The following RCBTB2 variants were observed in gnomAD, a reference collection of about 807,000 sequenced individuals.
The protein encoded by RCBTB2 is RCC1 and BTB domain-containing protein 2.
A neutral mutation model predicts 65.4 loss-of-function variants in RCBTB2; 55 were observed. That is an observed-to-expected ratio of 0.84 (90% CI 0.68 to 1.05). The LOEUF (loss-of-function observed/expected upper bound fraction) is 1.05. Ranked by LOEUF, RCBTB2 falls within the 50% of genes least tolerant of loss-of-function variation. RCBTB2 has a pLI of 0.00. For missense variants in RCBTB2, 599 were observed against 680.1 expected (o/e 0.88, Z 1.33); for synonymous variants, 220 against 255.2 (o/e 0.86, Z 1.31).
Position 48,518,472 on chromosome 13 carries a change from A to ATATAT in RCBTB2, c.43-2732_43-2731insATATA, listed in dbSNP as rs1555307423. On this transcript the variant is annotated intron_variant, in intron 4 of 14. Coordinates refer to ENST00000344532, the MANE Select transcript of RCBTB2 (RefSeq NM_001268.4). Reference sequence around the variant, plus strand: ...AGAGTACTTTGCAAAAAAAAAAAAAAATATATATATATATATATATATATT... The same window carrying ATATAT: ...AGAGTACTTTGCAAAAAAAAAAAAAATATATATATATATATATATATATATATATT... Among the ~76,000 whole-genome samples, 344 of 116,532 alleles carry ATATAT rather than the reference A, an allele frequency of 3.0e-3. 2 individuals carry two copies. The highest frequency in any genetic ancestry group is 4.1e-3 in the Admixed American group (48 of 11,746). 76.4% of individuals were successfully genotyped at this position (116,532 alleles called of 152,430 possible). A position where few individuals can be genotyped will look rare whatever the true frequency, so the allele number is the denominator to read the frequency against.
At position 48,502,718 on chromosome 13, in the gene RCBTB2, G is replaced by C. The variant is rs987847688; in HGVS notation, c.1117+6C>G. 1.9e-6 allele frequency: 3 copies of C among 1,605,090 alleles called. No individual in the cohort carries two copies. The highest frequency in any genetic ancestry group is 2.6e-6 in the Non-Finnish European group (3 of 1,174,024). On this transcript the variant is annotated splice_donor_region_variant and intron_variant, in intron 11 of 14. Coordinates refer to ENST00000344532, the MANE Select transcript of RCBTB2 (RefSeq NM_001268.4). The stretch of plus-strand genomic sequence containing the variant: ...CCATCCCCCAAATGGACAGTGACCA[G>C]CTTACCCACGGAGAGGAGGCGCCAC...
chr13:48,502,159 A>T (rs1407853010), intron 11 of RCBTB2, among the ~76,000 whole-genome samples: 1 of 139,886 alleles, frequency 7.1e-6, no homozygotes, highest in African/African-American at 3.4e-5. Flanking sequence ...TACGCTAGTT[A>T]AAAGTAAAAA....
intron 1 of RCBTB2, among the ~76,000 whole-genome samples, chr13:48,526,353 T>C (rs1409117932): frequency 6.6e-6 from 1 of 151,958 alleles, no homozygotes; most frequent in Non-Finnish European, 1.5e-5. Flanking sequence ...CTGGGCAACA[T>C]AGGAAGACAC....
chr13:48,496,922 G>A (rs1950012373), intron 13 of RCBTB2, among the ~76,000 whole-genome samples: 1 of 151,566 alleles, frequency 6.6e-6, no homozygotes, highest in Admixed American at 6.6e-5. Flanking sequence ...CCTCTCTACA[G>A]CAAAACTCCT....
intron 6 of RCBTB2, among the ~76,000 whole-genome samples, chr13:48,514,970 T>C (rs1433685807): frequency 6.6e-6 from 1 of 152,192 alleles, no homozygotes; most frequent in Non-Finnish European, 1.5e-5. Context: ...CCACAATCAG[T>C]TCGTCAGTGT....
chr13:48,534,974 A>G (rs186480107), upstream of RCBTB2, among the ~76,000 whole-genome samples: 3 of 152,086 alleles, frequency 2.0e-5, no homozygotes, highest in Admixed American at 6.5e-5. Context: ...TTTAAGTTCA[A>G]CTCTTCCACC....
chr13:48,510,868 A>G lies in RCBTB2; in HGVS notation c.784-97T>C, dbSNP rs1950752524. On this transcript the variant is annotated intron_variant, in intron 9 of 14. Coordinates refer to ENST00000344532, the MANE Select transcript of RCBTB2 (RefSeq NM_001268.4). ...AGAATCAAAAATGAAAAAAAAAGGA[A>G]GAGGCAGCCTACCCGTAGGAGAGGC... is the stretch of plus-strand genomic sequence containing the variant. 3.9e-6 allele frequency: 5 copies of G among 1,270,524 alleles called. No individual in the cohort carries two copies. In the Admixed American group the frequency reaches 6.7e-5, roughly 17 times the overall value. The allele number at this position is 1,270,524 out of a possible 1,614,324, so 78.7% of individuals were successfully genotyped here.
At chr13:48,529,382 T>C (rs759941944) in intron 1 of RCBTB2, among the ~76,000 whole-genome samples, 8 of 152,186 alleles carry the variant, frequency 5.3e-5, no homozygotes, top group African/African-American at 1.9e-4. Context: ...ATTGGTTTTG[T>C]TCAGTATTAT....
chr13:48,524,324 A>G (rs529357643), intron 2 of RCBTB2, among the ~76,000 whole-genome samples: 7 of 152,372 alleles, frequency 4.6e-5, no homozygotes, highest in Non-Finnish European at 8.8e-5. Context: ...ATGTGATAAA[A>G]TGTATTCTAA....
chr13:48,517,711 T>C (rs914028838), intron 4 of RCBTB2, among the ~76,000 whole-genome samples: 5 of 152,170 alleles, frequency 3.3e-5, no homozygotes, highest in African/African-American at 1.2e-4. Context: ...ATGGCACTAT[T>C]GAATGCTGTA....
At chr13:48,529,170 T>C (rs568297697) in intron 1 of RCBTB2, among the ~76,000 whole-genome samples, 200 of 152,334 alleles carry the variant, frequency 1.3e-3, no homozygotes, top group Non-Finnish European at 2.3e-3. Flanking sequence ...AGTTGTTATA[T>C]GCACTAATGT....
chr13:48,527,375 T>TAC (rs1201820904), intron 1 of RCBTB2, among the ~76,000 whole-genome samples: 2 of 145,434 alleles, frequency 1.4e-5, no homozygotes, highest in African/African-American at 5.2e-5. Flanking sequence ...ATATGATATA[T>TAC]ATATATGATA....
At chr13:48,518,472 A>AAAAAAAAT (rs1491137365) in intron 4 of RCBTB2, among the ~76,000 whole-genome samples, 7 of 116,588 alleles carry the variant, frequency 6.0e-5, no homozygotes, top group African/African-American at 1.9e-4. Context: ...AAAAAAAAAA[A>AAAAAAAAT]ATATATATAT....
chr13:48,497,616 C>T (rs987648624), intron 13 of RCBTB2, among the ~76,000 whole-genome samples: 1 of 152,192 alleles, frequency 6.6e-6, no homozygotes, highest in African/African-American at 2.4e-5. Flanking sequence ...CTGTCATGTC[C>T]ACCTCAAGCT....
At chr13:48,495,006 T>C (rs1347093065) in intron 14 of RCBTB2, among the ~76,000 whole-genome samples, 1 of 152,314 alleles carries the variant, frequency 6.6e-6, no homozygotes, top group Admixed American at 6.5e-5. Context: ...TCCTCACTTT[T>C]TGTCTTTTAC....
upstream of RCBTB2, chr13:48,533,153 C>T (rs1952278896): frequency 2.6e-6 from 1 of 386,468 alleles, no homozygotes; most frequent in Non-Finnish European, 5.2e-6. Flanking sequence ...GGGATGCGCT[C>T]GGGTGCCCGG....
At chr13:48,516,604 G>T (rs1294317430) in intron 4 of RCBTB2, among the ~76,000 whole-genome samples, 1 of 151,994 alleles carries the variant, frequency 6.6e-6, no homozygotes, top group East Asian at 1.9e-4. Context: ...TTGGATTAAG[G>T]TCCACCCTAA....
Position 48,507,077 on chromosome 13 carries a change from G to A in RCBTB2, c.926+3552C>T, listed in dbSNP as rs865830543. Among the ~76,000 whole-genome samples, 11 of 152,358 alleles carry A rather than the reference G, an allele frequency of 7.2e-5. No individual in the cohort carries two copies. The South Asian group carries it at 1.7e-3, about 23-fold the overall frequency. On this transcript the variant is annotated intron_variant, in intron 10 of 14. Transcript: ENST00000344532. ...ACACTACTCTCTAGAGAAGGGCTGG[G>A]ACAGACAGAGCCAAAGGGTGGGTCA...
Position 48,493,225 on chromosome 13 carries a change from T to TCACACACACA in RCBTB2, c.1515+2956_1515+2965dup, listed in dbSNP as rs3085589. On this transcript the variant is annotated intron_variant, in intron 14 of 14. Coordinates refer to ENST00000344532, the MANE Select transcript of RCBTB2 (RefSeq NM_001268.4). ...TATACAGCCTCCTAAGTACCCTCCT[T>TCACACACACA]CACACACACACACACACACACACAC... Among the ~76,000 whole-genome samples, 875 of 109,126 alleles carry TCACACACACA rather than the reference T, an allele frequency of 8.0e-3. 24 individuals carry two copies. Among genetic ancestry groups the TCACACACACA allele is most frequent in the African/African-American group, 0.037 (663 of 18,098 alleles). The allele number at this position is 109,126 out of a possible 152,430, so 71.6% of individuals were successfully genotyped here.
Sources: gnomAD v4.1 joint callset for allele counts (sites outside exome capture counted in the v4.1 genomes callset) on GRCh38, gnomAD v4.1.1 for gene constraint, MANE v1.5 for transcripts, NCBI Gene and HGNC (gene_info 2026-07-23, HGNC 2026-07-21) for gene names.